Variants in TUBGCP5 observed in about 807,000 individuals in gnomAD.
TUBGCP5 encodes gamma-tubulin complex component 5.
TUBGCP5 carries 98 observed loss-of-function variants against 134.7 expected under a neutral mutation model. That is an observed-to-expected ratio of 0.73 (90% CI 0.62 to 0.86). The LOEUF (loss-of-function observed/expected upper bound fraction) is 0.86, where lower values mean the gene tolerates loss of function less well. Among genes scored for constraint, TUBGCP5 ranks in the 40% least tolerant of loss-of-function variants. The pLI is 0.00. For missense variants in TUBGCP5, 1,150 were observed against 1,244.8 expected, an observed-to-expected ratio of 0.92 and a Z score of 1.15; for synonymous variants, 456 against 431.4, an observed-to-expected ratio of 1.06 and a Z score of -0.71.
At chr15:23,038,746 GAA>G (rs1271743188) in intron 1 of TUBGCP5, among the ~76,000 whole-genome samples, 1 of 152,030 alleles carries the variant, frequency 6.6e-6, no homozygotes, top group East Asian at 1.9e-4. Context: ...CTCCCATAAA[GAA>G]AAATAGGAGA....
At chr15:23,016,325 T>A (rs1451957503) in intron 13 of TUBGCP5, among the ~76,000 whole-genome samples, 1 of 152,024 alleles carries the variant, frequency 6.6e-6, no homozygotes, top group Non-Finnish European at 1.5e-5. Flanking sequence ...AAACCTCGTC[T>A]CTACTAAAAA....
At chr15:23,008,638 G>A in intron 16 of TUBGCP5, 61 bp downstream of exon 16, 3 of 1,510,992 alleles carry the variant, frequency 2.0e-6, no homozygotes, top group Non-Finnish European at 2.7e-6. Flanking sequence ...ATTCATAGAA[G>A]ACTTACTGGC....
chr15:23,024,899 G>A, intron 8 of TUBGCP5, 69 bp from the exon 9 acceptor site: 1 of 969,428 alleles, frequency 1.0e-6, no homozygotes. Flanking sequence ...GTATGCCCAG[G>A]ACATTTTTTT....
chr15:22,996,218 T>A (rs980974297), downstream of TUBGCP5, among the ~76,000 whole-genome samples: 4 of 152,226 alleles, frequency 2.6e-5, no homozygotes, highest in Non-Finnish European at 5.9e-5. Context: ...ATCTTGTAAT[T>A]TCCAGTTGCT....
intron 23 of TUBGCP5, among the ~76,000 whole-genome samples, chr15:22,992,611 C>CT (rs2063884212): frequency 6.6e-6 from 1 of 152,110 alleles, no homozygotes; most frequent in South Asian, 2.1e-4. Flanking sequence ...GTGGGCATGG[C>CT]TCTGGGACCA....
chr15:23,009,019 A>C, intron 15 of TUBGCP5, 138 bp from the exon 16 acceptor site: 1 of 604,866 alleles, frequency 1.7e-6, no homozygotes, highest in Non-Finnish European at 2.7e-6. Flanking sequence ...AAATATTAAC[A>C]CCTCTTAAAC....
Position 23,005,423 on chromosome 15 carries a change from G to C in TUBGCP5, c.2712+9C>G, listed in dbSNP as rs1347923354. On this transcript the variant is annotated intron_variant, in intron 19 of 22. Transcript: ENST00000615383. ...CGATAGAACTGAAGCAGATGGGAGA[G>C]GCACAAACCCTGGTCATGATGTAGT... is the stretch of plus-strand genomic sequence containing the variant. 6.2e-7 allele frequency: 1 copy of C among 1,613,144 alleles called. No homozygotes were observed. Among genetic ancestry groups the C allele is most frequent in the Admixed American group, 1.7e-5 (1 of 59,968 alleles).
chr15:23,009,383 C>T (rs2064905271), intron 15 of TUBGCP5, among the ~76,000 whole-genome samples: 1 of 151,924 alleles, frequency 6.6e-6, no homozygotes, highest in African/African-American at 2.4e-5. Flanking sequence ...ATTCTCCTGC[C>T]CCAGCCTCCA....
At chr15:23,029,274 T>G (rs2066158807) in intron 6 of TUBGCP5, among the ~76,000 whole-genome samples, 1 of 152,154 alleles carries the variant, frequency 6.6e-6, no homozygotes, top group Non-Finnish European at 1.5e-5. Context: ...CAGGCTGGAG[T>G]GCAATGGTGT....
intron 20 of TUBGCP5, among the ~76,000 whole-genome samples, chr15:23,003,820 CT>C (rs1192642195): frequency 1.3e-5 from 2 of 151,784 alleles, no homozygotes; most frequent in Non-Finnish European, 2.9e-5. Context: ...GTCTGCTAAT[CT>C]TTTTAACTTT....
chr15:22,983,948 C>T (rs1238701334), intron 23 of TUBGCP5, among the ~76,000 whole-genome samples: 2 of 151,916 alleles, frequency 1.3e-5, no homozygotes, highest in Non-Finnish European at 2.9e-5. Context: ...AGGACAAAAC[C>T]CCCTCTCTAC....
rs558002597 is a variant in TUBGCP5, at chr15:22,990,093, G to A, written c.*62-6482C>T. ...TCCCTGCACCTTTGACTAATGAGAG[G>A]CACTCACAGGCAGATTCCTCTCTTT... On this transcript the variant is annotated intron_variant and NMD_transcript_variant, in intron 23 of 23. Transcript: ENST00000614508. Among the ~76,000 whole-genome samples the A allele has an allele frequency of 3.9e-5, 6 of 152,236 alleles. 1 individual carries two copies. Among genetic ancestry groups the A allele is most frequent in the Admixed American group, 3.9e-4 (6 of 15,294 alleles).
In TUBGCP5 at chr15:23,039,541, CATGTTCCGCGCT is replaced by C; in HGVS notation, c.-10_2del. The C allele has an allele frequency of 4.1e-6, 6 of 1,460,818 alleles. No homozygotes were observed. Among genetic ancestry groups the C allele is most frequent in the Non-Finnish European group, 4.6e-6 (5 of 1,092,266 alleles). 90.5% of individuals were successfully genotyped at this position (1,460,818 alleles called of 1,614,324 possible). A position where few individuals can be genotyped will look rare whatever the true frequency, so the allele number is the denominator to read the frequency against. On this transcript the variant is annotated start_lost and 5_prime_UTR_variant, in exon 1 of 23. Transcript: ENST00000615383. ...GACTCCACGGTGGCCCGTGCCGCGCCATGTTCCGCGCTCCTGCAGCGCGCGTCTAACGAATTG... is the reference window on the plus strand; with the variant it reads ...GACTCCACGGTGGCCCGTGCCGCGCCCCTGCAGCGCGCGTCTAACGAATTG...
chr15:22,985,647 A>C (rs187437286), intron 23 of TUBGCP5, among the ~76,000 whole-genome samples: 229 of 152,290 alleles, frequency 1.5e-3, no homozygotes, highest in African/African-American at 5.1e-3. Context: ...ATAAAAAGGA[A>C]AGAACAAATC....
At chr15:23,000,931 T>G (rs2064337021) in intron 21 of TUBGCP5, among the ~76,000 whole-genome samples, 1 of 152,224 alleles carries the variant, frequency 6.6e-6, no homozygotes, top group African/African-American at 2.4e-5. Context: ...GGACCAAAGA[T>G]ACTCCCTTTT....
chr15:23,008,435 T>A (rs566815589), intron 16 of TUBGCP5: 1 of 427,464 alleles, frequency 2.3e-6, no homozygotes, highest in Non-Finnish European at 4.2e-6. Context: ...CTTTTTGTAT[T>A]TTTAGTAGAG....
intron 13 of TUBGCP5, among the ~76,000 whole-genome samples, chr15:23,014,247 T>G: frequency 6.6e-6 from 1 of 152,294 alleles, no homozygotes; most frequent in East Asian, 1.9e-4. Flanking sequence ...GCCTACCCAG[T>G]GGCCCTGGGT....
intron 16 of TUBGCP5, among the ~76,000 whole-genome samples, chr15:23,007,590 C>T (rs761467273): frequency 3.3e-5 from 5 of 152,040 alleles, no homozygotes; most frequent in East Asian, 1.9e-4. Context: ...AGACCTCTGC[C>T]GGGCCCATGA....
intron 16 of TUBGCP5, among the ~76,000 whole-genome samples, chr15:23,007,931 A>T (rs1213767665): frequency 6.6e-6 from 1 of 152,070 alleles, no homozygotes; most frequent in Non-Finnish European, 1.5e-5. Flanking sequence ...GGGAGTTCTG[A>T]GCCAGTTCTG....
Sources: gnomAD v4.1 joint callset for allele counts (sites outside exome capture counted in the v4.1 genomes callset) on GRCh38, gnomAD v4.1.1 for gene constraint, MANE v1.5 for transcripts, NCBI Gene and HGNC (gene_info 2026-07-23, HGNC 2026-07-21) for gene names.